The following ZNF536 variants were observed in gnomAD, a reference collection of about 807,000 sequenced individuals.
ZNF536 encodes zinc finger protein 536.
In ZNF536, 13 loss-of-function variants were observed where a neutral mutation model predicts 84.5. The observed-to-expected ratio is 0.15, with a 90% CI of 0.10 to 0.24. The LOEUF (loss-of-function observed/expected upper bound fraction) is 0.24, where lower values mean the gene tolerates loss of function less well. Among genes scored for constraint, ZNF536 ranks in the 10% least tolerant of loss-of-function variants. ZNF536 has a pLI of 1.00. For missense variants in ZNF536, 1,536 were observed against 1,747.5 expected (o/e 0.88, Z 2.16); for synonymous variants, 811 against 742.5 (o/e 1.09, Z -1.50).
chr19:30,546,633 G>A (rs1287573351), intron 3 of ZNF536, among the ~76,000 whole-genome samples: 1 of 152,206 alleles, frequency 6.6e-6, no homozygotes, highest in African/African-American at 2.4e-5. Context: ...AATGTCTTCA[G>A]AAGACACCAT....
At chr19:30,522,380 A>G (rs1020722663) in intron 2 of ZNF536, among the ~76,000 whole-genome samples, 2 of 150,602 alleles carry the variant, frequency 1.3e-5, no homozygotes, top group Non-Finnish European at 2.9e-5. Context: ...AAATTTTTTA[A>G]GCTGATCCAA....
At chr19:30,281,086 G>T (rs2045426268) in intron 1 of ZNF536, among the ~76,000 whole-genome samples, 1 of 152,084 alleles carries the variant, frequency 6.6e-6, no homozygotes, top group Non-Finnish European at 1.5e-5. Flanking sequence ...TCCTCGCTTG[G>T]TTGGTGCCCC....
chr19:30,352,000 G>A (rs2146725624), intron 2 of ZNF536, among the ~76,000 whole-genome samples: 1 of 152,306 alleles, frequency 6.6e-6, no homozygotes, highest in South Asian at 2.1e-4. Context: ...TAATGGAATT[G>A]TGTCTTCAGG....
At chr19:30,587,184 A>G (rs1273232121) in intron 1 of ZNF536, among the ~76,000 whole-genome samples, 1 of 152,194 alleles carries the variant, frequency 6.6e-6, no homozygotes, top group Non-Finnish European at 1.5e-5. Context: ...CCAATTGCAA[A>G]GATTTTTCTT....
In ZNF536 at chr19:30,557,606, G is replaced by T. The variant is rs1422075315; in HGVS notation, c.*442G>T. 1 of 156,370 alleles carries T rather than the reference G, an allele frequency of 6.4e-6. No homozygotes were observed. The highest frequency in any genetic ancestry group is 1.4e-5 in the Non-Finnish European group (1 of 71,016). The allele number at this position is 156,370 out of a possible 1,614,324, so 9.7% of individuals were successfully genotyped here. A position where few individuals can be genotyped will look rare whatever the true frequency, so the allele number is the denominator to read the frequency against. On this transcript the variant is annotated 3_prime_UTR_variant, in exon 5 of 5. Transcript: ENST00000355537. ...ATTACTGCTTGTGTCTGATTGTCCTGTATTTTGTAACACTTTAGAAGAATA... is the reference window on the plus strand; with the variant it reads ...ATTACTGCTTGTGTCTGATTGTCCTTTATTTTGTAACACTTTAGAAGAATA...
In ZNF536 at chr19:30,425,428, C is replaced by G. The variant is rs1453290067; in HGVS notation, c.-2-18133C>G. Among the ~76,000 whole-genome samples the G allele has an allele frequency of 2.0e-5, 3 of 152,132 alleles. No individual in the cohort carries two copies. The East Asian group carries it at 5.8e-4, about 29-fold the overall frequency. ...CAAACCAACTTAAACCACCAGGAGACCTGTATTGACTCATATCAGTGCAAA... is the reference window on the plus strand; with the variant it reads ...CAAACCAACTTAAACCACCAGGAGAGCTGTATTGACTCATATCAGTGCAAA... On this transcript the variant is annotated intron_variant, in intron 1 of 4. Coordinates refer to ENST00000355537, the MANE Select transcript of ZNF536 (RefSeq NM_014717.3).
At chr19:30,274,741 A>C (rs186242666) in intron 1 of ZNF536, among the ~76,000 whole-genome samples, 22 of 152,308 alleles carry the variant, frequency 1.4e-4, no homozygotes, top group African/African-American at 5.3e-4. Flanking sequence ...TAGATGTCTG[A>C]ACATTCGAGT....
At chr19:30,380,499 CA>C (rs1358051794) in intron 1 of ZNF536, among the ~76,000 whole-genome samples, 1 of 151,724 alleles carries the variant, frequency 6.6e-6, no homozygotes, top group Non-Finnish European at 1.5e-5. Flanking sequence ...TATCAGTGGC[CA>C]AAAAAGAGGG....
At chr19:30,706,361 C>T (rs534897192) in intron 1 of ZNF536, among the ~76,000 whole-genome samples, 82 of 151,844 alleles carry the variant, frequency 5.4e-4, no homozygotes, top group African/African-American at 1.8e-3. Flanking sequence ...GTGGCGGGTG[C>T]GTGTAGTCCC....
At chr19:30,458,447 GTTTTTTTTTT>G (rs3084731) in intron 2 of ZNF536, among the ~76,000 whole-genome samples, 1 of 83,490 alleles carries the variant, frequency 1.2e-5, no homozygotes, top group African/African-American at 5.6e-5. Context: ...ATTTCCTGCT[GTTTTTTTTTT>G]TTTTTTTTTT....
intron 2 of ZNF536, among the ~76,000 whole-genome samples, chr19:30,340,598 G>A (rs1316527225): frequency 6.6e-6 from 1 of 152,128 alleles, no homozygotes; most frequent in Non-Finnish European, 1.5e-5. Context: ...TCGCATCCCC[G>A]TGGATCAGGG....
intron 2 of ZNF536, among the ~76,000 whole-genome samples, chr19:30,339,424 G>C (rs1282536493): frequency 6.6e-6 from 1 of 152,226 alleles, no homozygotes; most frequent in Non-Finnish European, 1.5e-5. Context: ...TCATCTGCTG[G>C]GTGAGGTGCA....
At chr19:30,661,290 T>C (rs529287583) in intron 1 of ZNF536, among the ~76,000 whole-genome samples, 1 of 152,342 alleles carries the variant, frequency 6.6e-6, no homozygotes, top group East Asian at 1.9e-4. Context: ...ATCTTTCTTC[T>C]GATGACAGAT....
At chr19:30,702,811 T>C (rs142263206) in intron 1 of ZNF536, among the ~76,000 whole-genome samples, 360 of 152,216 alleles carry the variant, frequency 2.4e-3, no homozygotes, top group African/African-American at 7.8e-3. Context: ...GTTCCTTTGC[T>C]GGAAAAAAAT....
At chr19:30,276,535 GT>G (rs567491235) in intron 1 of ZNF536, among the ~76,000 whole-genome samples, 4 of 151,864 alleles carry the variant, frequency 2.6e-5, no homozygotes, top group Non-Finnish European at 2.9e-5. Flanking sequence ...CAGCTTTTTA[GT>G]TTTTTTTAAA....
chr19:30,480,801 C>T (rs1029181120), intron 2 of ZNF536, among the ~76,000 whole-genome samples: 2 of 152,078 alleles, frequency 1.3e-5, no homozygotes, highest in African/African-American at 2.4e-5. Context: ...TTTGGGAGGC[C>T]GAGGCAGGCA....
chr19:30,497,867 A>AGG (rs1458061981), intron 2 of ZNF536, among the ~76,000 whole-genome samples: 1 of 152,090 alleles, frequency 6.6e-6, no homozygotes, highest in Non-Finnish European at 1.5e-5. Flanking sequence ...GATTCCAGAG[A>AGG]CACCCTCAGA....
At chr19:30,592,689 G>A (rs2047315749) in intron 1 of ZNF536, among the ~76,000 whole-genome samples, 1 of 150,806 alleles carries the variant, frequency 6.6e-6, no homozygotes, top group East Asian at 1.9e-4. Context: ...AATATCTTCT[G>A]GGTTTTTTTT....
At chr19:30,712,589 T>C (rs1273776521) in exon 2 of ZNF536, 1 of 152,166 alleles carries the variant, frequency 6.6e-6, no homozygotes, top group African/African-American at 2.4e-5. Context: ...AGAAAGAATC[T>C]CAGGCTAATA....
Sources: gnomAD v4.1 joint callset for allele counts (sites outside exome capture counted in the v4.1 genomes callset) on GRCh38, gnomAD v4.1.1 for gene constraint, MANE v1.5 for transcripts, NCBI Gene and HGNC (gene_info 2026-07-23, HGNC 2026-07-21) for gene names.